The following TNPO1 variants were observed in gnomAD, a reference collection of about 807,000 sequenced individuals.
TNPO1 encodes the protein transportin-1.
A neutral mutation model predicts 119.5 loss-of-function variants in TNPO1; 8 were observed. The ratio of observed to expected loss-of-function variants is 0.07; its 90% CI spans 0.04 to 0.12. The LOEUF (loss-of-function observed/expected upper bound fraction) is 0.12, where lower values mean the gene tolerates loss of function less well. Among genes scored for constraint, TNPO1 ranks in the 10% least tolerant of loss-of-function variants. The pLI is 1.00. For missense variants in TNPO1, 576 were observed against 1,089.8 expected (o/e 0.53, Z 6.64); for synonymous variants, 362 against 363.0 (o/e 1.00, Z 0.03).
Position 72,842,313 on chromosome 5 carries a change from GACTGGAC to G in TNPO1, c.16-6065_16-6059del, listed in dbSNP as rs142372101. On this transcript the variant is annotated intron_variant, in intron 1 of 24. Coordinates refer to ENST00000337273, the MANE Select transcript of TNPO1 (RefSeq NM_002270.4). Reference sequence around the variant, plus strand: ...AAAGGCAGTATATCAGGGGCTTCCAGACTGGACACTGGAGCCAGATTAGTTGGGTTTG... The same window carrying G: ...AAAGGCAGTATATCAGGGGCTTCCAGACTGGAGCCAGATTAGTTGGGTTTG... Among the ~76,000 whole-genome samples, 817 of 152,310 alleles carry G rather than the reference GACTGGAC, an allele frequency of 5.4e-3. 6 individuals carry two copies. The highest frequency in any genetic ancestry group is 0.019 in the African/African-American group (776 of 41,556).
intron 1 of TNPO1, among the ~76,000 whole-genome samples, chr5:72,824,887 C>G (rs529202008): frequency 6.6e-6 from 1 of 152,254 alleles, no homozygotes; most frequent in African/African-American, 2.4e-5. Context: ...GTCAGCATAT[C>G]CAAAACTAAA....
chr5:72,865,852 G>A, intron 6 of TNPO1, 123 bp downstream of exon 6: 1 of 1,019,434 alleles, frequency 9.8e-7, no homozygotes, highest in South Asian at 1.8e-5. Flanking sequence ...TTCCAGAGAG[G>A]TGAACTTATG....
chr5:72,911,118 A>G lies in TNPO1; in HGVS notation c.*2445A>G, dbSNP rs1750537772. The G allele has an allele frequency of 6.6e-6, 1 of 152,054 alleles. No homozygotes were observed. The highest frequency in any genetic ancestry group is 1.5e-5 in the Non-Finnish European group (1 of 67,950). 9.4% of individuals were successfully genotyped at this position (152,054 alleles called of 1,614,324 possible). ...ATGAGAGATAGTTTAATATTCTGGA[A>G]TAGAGAGTATTTTAAATTGAAATGA... On this transcript the variant is annotated 3_prime_UTR_variant, in exon 25 of 25. Transcript: ENST00000337273.
intron 1 of TNPO1, among the ~76,000 whole-genome samples, chr5:72,828,742 C>T (rs1406577109): frequency 6.6e-6 from 1 of 151,690 alleles, no homozygotes; most frequent in Non-Finnish European, 1.5e-5. Flanking sequence ...TCTACCAGTA[C>T]CTGATCTGGT....
chr5:72,859,038 T>TG (rs35247928), intron 4 of TNPO1, among the ~76,000 whole-genome samples: 124,291 of 151,344 alleles, frequency 0.82, 51,317 homozygotes, highest in Non-Finnish European at 0.86. Context: ...GAACATATTT[T>TG]TAAGTGAAAT....
intron 14 of TNPO1, 44 bp from the exon 15 acceptor site, chr5:72,891,766 C>T (rs1561351512): frequency 7.3e-7 from 1 of 1,366,912 alleles, no homozygotes. Flanking sequence ...GTCTTGTTGA[C>T]ATGTGATAGT....
At chr5:72,893,761 C>G (rs1405451083) in intron 18 of TNPO1, 58 bp downstream of exon 18, 1 of 1,469,384 alleles carries the variant, frequency 6.8e-7, no homozygotes, top group Non-Finnish European at 9.4e-7. Context: ...TTTACATCAG[C>G]TTTGTTTTTT....
At chr5:72,837,260 C>G (rs1451416438) in intron 1 of TNPO1, among the ~76,000 whole-genome samples, 1 of 152,150 alleles carries the variant, frequency 6.6e-6, no homozygotes, top group African/African-American at 2.4e-5. Context: ...AGTTCAAGTT[C>G]AAGGCACCAG....
chr5:72,828,106 G>A (rs561524277), intron 1 of TNPO1, among the ~76,000 whole-genome samples: 13 of 152,204 alleles, frequency 8.5e-5, no homozygotes, highest in African/African-American at 2.2e-4. Flanking sequence ...GGGAGCCAGC[G>A]AAGGAGACAA....
chr5:72,903,404 T>C (rs1749925410), intron 22 of TNPO1, among the ~76,000 whole-genome samples: 1 of 152,164 alleles, frequency 6.6e-6, no homozygotes, highest in African/African-American at 2.4e-5. Context: ...TTTATGGGTG[T>C]CGATTTGGTG....
chr5:72,872,756 GC>G, intron 7 of TNPO1, 36 bp downstream of exon 7: 1 of 1,439,424 alleles, frequency 6.9e-7, no homozygotes, highest in Non-Finnish European at 9.5e-7. Flanking sequence ...CAACCCCCCA[GC>G]TTTTTTTTTT....
chr5:72,859,978 T>A (rs997021255), intron 4 of TNPO1, among the ~76,000 whole-genome samples: 1 of 152,214 alleles, frequency 6.6e-6, no homozygotes, highest in Non-Finnish European at 1.5e-5. Flanking sequence ...TCTTGCTGCT[T>A]TTGGATCTTA....
chr5:72,858,647 C>T lies in TNPO1; in HGVS notation c.355+2724C>T, dbSNP rs1746182344. Among the ~76,000 whole-genome samples, 5 of 152,148 alleles carry T rather than the reference C, an allele frequency of 3.3e-5. No individual in the cohort carries two copies. In the South Asian group the frequency reaches 8.3e-4, roughly 25 times the overall value. On this transcript the variant is annotated intron_variant, in intron 4 of 24. Transcript: ENST00000337273. Reference sequence around the variant, plus strand: ...GGTCAGGAGATCGAAACCATCCTGGCTAACATGGTGAAACCCCGTCTCTAC... The same window carrying T: ...GGTCAGGAGATCGAAACCATCCTGGTTAACATGGTGAAACCCCGTCTCTAC...
At chr5:72,830,094 T>G (rs1744381134) in intron 1 of TNPO1, among the ~76,000 whole-genome samples, 1 of 152,182 alleles carries the variant, frequency 6.6e-6, no homozygotes, top group African/African-American at 2.4e-5. Context: ...TAATATTTAA[T>G]GTAGGAATTT....
intron 7 of TNPO1, among the ~76,000 whole-genome samples, chr5:72,875,007 T>TAATA (rs1371150894): frequency 8.5e-5 from 13 of 152,188 alleles, no homozygotes; most frequent in Admixed American, 4.6e-4. Context: ...CTGCTGGTTA[T>TAATA]CAAGTTACTT....
intron 9 of TNPO1, 42 bp from the exon 10 acceptor site, chr5:72,882,425 G>A (rs772067774): frequency 2.1e-5 from 30 of 1,441,838 alleles, no homozygotes; most frequent in Non-Finnish European, 2.6e-5. Context: ...TTATTCTCTT[G>A]AGATCTTAAG....
At chr5:72,835,570 A>T (rs903968932) in intron 1 of TNPO1, among the ~76,000 whole-genome samples, 15 of 152,276 alleles carry the variant, frequency 9.9e-5, no homozygotes, top group Middle Eastern at 3.4e-3. Flanking sequence ...AAGGGTATTA[A>T]TCCCATTAAT....
At chr5:72,848,864 G>A (rs935779354) in intron 2 of TNPO1, among the ~76,000 whole-genome samples, 2 of 151,094 alleles carry the variant, frequency 1.3e-5, no homozygotes, top group Non-Finnish European at 3.0e-5. Context: ...GCGGGCGGGC[G>A]GGAGCGGCCC....
chr5:72,897,641 T>A (rs1375991401), intron 20 of TNPO1, among the ~76,000 whole-genome samples: 2 of 151,858 alleles, frequency 1.3e-5, no homozygotes, highest in Non-Finnish European at 2.9e-5. Flanking sequence ...TTTATTTTTT[T>A]TTTTTTAGGA....
Sources: allele counts gnomAD v4.1 joint callset (sites outside exome capture counted in the v4.1 genomes callset), GRCh38; gene constraint gnomAD v4.1.1; transcripts MANE v1.5; gene names NCBI Gene and HGNC (gene_info 2026-07-23, HGNC 2026-07-21).